The following CTNNA3 variants were observed in gnomAD, a reference collection of about 807,000 sequenced individuals.
CTNNA3 encodes the protein catenin alpha 3.
Under a neutral mutation model 95.7 loss-of-function variants are expected in CTNNA3, and 76 were observed. The observed-to-expected ratio is 0.79, with a 90% CI of 0.66 to 0.96. The LOEUF (loss-of-function observed/expected upper bound fraction) is 0.96. CTNNA3 is among the 40% of genes least tolerant of loss of function. CTNNA3 has a pLI of 0.00. For synonymous variants in CTNNA3, 431 were observed against 374.4 expected (o/e 1.15, Z -1.74); for missense variants, 1,191 against 1,089.8 (o/e 1.09, Z -1.31).
intron 10 of CTNNA3, among the ~76,000 whole-genome samples, chr10:66,522,125 A>G (rs1404757917): frequency 1.3e-5 from 2 of 152,080 alleles, no homozygotes; most frequent in East Asian, 1.9e-4. Flanking sequence ...ATGGATGTGG[A>G]TGGGCTGCTT....
At chr10:66,582,828 T>C (rs776674589) in intron 10 of CTNNA3, among the ~76,000 whole-genome samples, 5 of 151,814 alleles carry the variant, frequency 3.3e-5, no homozygotes, top group Admixed American at 6.6e-5. Context: ...GTCTAGTTTG[T>C]TGAGGGTTTT....
chr10:67,371,238 T>A (rs1283155750), intron 5 of CTNNA3, among the ~76,000 whole-genome samples: 1 of 151,878 alleles, frequency 6.6e-6, no homozygotes, highest in East Asian at 1.9e-4. Flanking sequence ...ACATATTTTT[T>A]TTCTATTATA....
intron 12 of CTNNA3, among the ~76,000 whole-genome samples, chr10:66,362,582 G>A (rs2092684269): frequency 6.6e-6 from 1 of 151,904 alleles, no homozygotes; most frequent in Non-Finnish European, 1.5e-5. Context: ...GTGTGGTGGT[G>A]TATGCCAGTA....
intron 7 of CTNNA3, among the ~76,000 whole-genome samples, chr10:67,172,327 T>C (rs1862056108): frequency 6.6e-6 from 1 of 152,200 alleles, no homozygotes; most frequent in Non-Finnish European, 1.5e-5. Context: ...CTGCAGTTGT[T>C]AGTACTTTGA....
chr10:66,597,871 G>A (rs1362774151), intron 10 of CTNNA3, among the ~76,000 whole-genome samples: 1 of 151,760 alleles, frequency 6.6e-6, no homozygotes, highest in African/African-American at 2.4e-5. Flanking sequence ...CAAGAAATGG[G>A]AGTTATTTAA....
intron 13 of CTNNA3, among the ~76,000 whole-genome samples, chr10:66,107,604 T>A (rs1205767755): frequency 1.3e-5 from 2 of 152,112 alleles, no homozygotes; most frequent in Non-Finnish European, 2.9e-5. Context: ...CATTAAGACT[T>A]CAGGGTCACA....
chr10:66,513,559 A>C (rs1356029408), intron 11 of CTNNA3, among the ~76,000 whole-genome samples: 4 of 152,216 alleles, frequency 2.6e-5, no homozygotes, highest in African/African-American at 9.6e-5. Flanking sequence ...ACAAAGGTAC[A>C]TAGTGGCCCT....
At chr10:67,559,611 T>A (rs1168879250) in intron 3 of CTNNA3, among the ~76,000 whole-genome samples, 1 of 152,098 alleles carries the variant, frequency 6.6e-6, no homozygotes, top group Non-Finnish European at 1.5e-5. Flanking sequence ...ACACAGCTCC[T>A]CACCAGCAAC....
chr10:67,672,303 G>A (rs1338385548), intron 1 of CTNNA3, among the ~76,000 whole-genome samples: 1 of 152,032 alleles, frequency 6.6e-6, no homozygotes, highest in African/African-American at 2.4e-5. Flanking sequence ...CTCCCATTTT[G>A]TGGGTTGCCT....
intron 7 of CTNNA3, among the ~76,000 whole-genome samples, chr10:66,968,648 A>C (rs1849562679): frequency 6.6e-6 from 1 of 152,144 alleles, no homozygotes. Context: ...AAGAAGAATA[A>C]ATAAGTGGCT....
intron 15 of CTNNA3, among the ~76,000 whole-genome samples, chr10:66,000,716 G>T (rs79359076): frequency 0.039 from 5,928 of 152,068 alleles, 378 homozygotes; most frequent in African/African-American, 0.13. Flanking sequence ...TTTTCTGTTT[G>T]CCAGACACTA....
intron 1 of CTNNA3, among the ~76,000 whole-genome samples, chr10:67,662,775 G>A (rs1349519888): frequency 2.6e-5 from 4 of 152,024 alleles, no homozygotes; most frequent in Non-Finnish European, 5.9e-5. Context: ...TGATTGTGGC[G>A]GTGATGGTTC....
chr10:67,526,874 T>C (rs1840160965), intron 4 of CTNNA3, among the ~76,000 whole-genome samples: 1 of 152,220 alleles, frequency 6.6e-6, no homozygotes, highest in Non-Finnish European at 1.5e-5. Context: ...TAGAGCAGCA[T>C]CACTGTGCAA....
intron 10 of CTNNA3, among the ~76,000 whole-genome samples, chr10:66,534,005 C>T (rs1589386742): frequency 6.6e-6 from 1 of 152,154 alleles, no homozygotes; most frequent in Admixed American, 6.6e-5. Flanking sequence ...GCATATTCAA[C>T]AGCAAAGTGT....
rs578043130 is a variant in CTNNA3 at position 67,694,891 on chromosome 10, A to G, written c.-6+1109T>C. Among the ~76,000 whole-genome samples the G allele has an allele frequency of 5.3e-5, 8 of 152,302 alleles. No individual in the cohort carries two copies. The South Asian group carries it at 1.7e-3, about 32-fold the overall frequency. ...TTTTACCAATCTTTACTCAAATAGG[A>G]AGATTTAGACTATGTGTAGGAGGTA... On this transcript the variant is annotated intron_variant, in intron 1 of 17. Coordinates refer to ENST00000433211, the MANE Select transcript of CTNNA3 (RefSeq NM_013266.4).
chr10:66,032,183 T>C (rs2079462297), intron 15 of CTNNA3, among the ~76,000 whole-genome samples: 1 of 152,190 alleles, frequency 6.6e-6, no homozygotes, highest in Non-Finnish European at 1.5e-5. Context: ...GATTTTTCTT[T>C]AGTGCACAAT....
At chr10:66,427,755 C>T (rs1490660566) in intron 11 of CTNNA3, among the ~76,000 whole-genome samples, 3 of 151,954 alleles carry the variant, frequency 2.0e-5, no homozygotes, top group Non-Finnish European at 2.9e-5. Context: ...GAAGGAAGTA[C>T]TAAATATGGA....
chr10:67,493,274 G>C (rs767131786), intron 5 of CTNNA3, among the ~76,000 whole-genome samples: 4 of 151,838 alleles, frequency 2.6e-5, no homozygotes, highest in Non-Finnish European at 5.9e-5. Flanking sequence ...TTAAGAGTTT[G>C]ATTTTAGGCC....
chr10:66,513,679 A>G (rs1691945040), intron 11 of CTNNA3, among the ~76,000 whole-genome samples: 1 of 152,188 alleles, frequency 6.6e-6, no homozygotes, highest in Non-Finnish European at 1.5e-5. Context: ...GCAGTAGGTC[A>G]CAAGCAAGCT....
Sources: allele counts gnomAD v4.1 joint callset (sites outside exome capture counted in the v4.1 genomes callset), GRCh38; gene constraint gnomAD v4.1.1; transcripts MANE v1.5; gene names NCBI Gene and HGNC (gene_info 2026-07-23, HGNC 2026-07-21).